The following SLC2A13 variants were observed in gnomAD, a reference collection of about 807,000 sequenced individuals.
The protein encoded by SLC2A13 is proton myo-inositol cotransporter.
A neutral mutation model predicts 64.4 loss-of-function variants in SLC2A13; 32 were observed. That is an observed-to-expected ratio of 0.50 (90% CI 0.37 to 0.67). The LOEUF (loss-of-function observed/expected upper bound fraction) is 0.67, where lower values mean the gene tolerates loss of function less well. Ranked by LOEUF, SLC2A13 falls within the 30% of genes least tolerant of loss-of-function variation. The probability of loss-of-function intolerance (pLI) is 0.00; values close to 1 mark genes in which losing one functional copy is unlikely to be tolerated. For synonymous variants in SLC2A13, 338 were observed against 327.1 expected (o/e 1.03, Z -0.36); for missense variants, 743 against 829.2 (o/e 0.90, Z 1.28).
chr12:39,942,084 C>G (rs1424312774), intron 4 of SLC2A13, among the ~76,000 whole-genome samples: 6 of 152,174 alleles, frequency 3.9e-5, no homozygotes, highest in Non-Finnish European at 5.9e-5. Context: ...ATTTTTATAC[C>G]AGTACCATGC....
intron 2 of SLC2A13, among the ~76,000 whole-genome samples, chr12:40,029,592 G>A (rs1947874327): frequency 6.6e-6 from 1 of 152,106 alleles, no homozygotes; most frequent in South Asian, 2.1e-4. Flanking sequence ...AGGCTCCAGA[G>A]ATAAATCTCA....
At chr12:40,084,729 C>T (rs969434738) in intron 1 of SLC2A13, among the ~76,000 whole-genome samples, 2 of 151,968 alleles carry the variant, frequency 1.3e-5, no homozygotes, top group East Asian at 3.9e-4. Context: ...CTCTTAAGGC[C>T]TGATGCTCCA....
At chr12:40,033,877 T>C (rs1459459106) in intron 2 of SLC2A13, among the ~76,000 whole-genome samples, 1 of 152,216 alleles carries the variant, frequency 6.6e-6, no homozygotes, top group African/African-American at 2.4e-5. Context: ...GCTTTCTCTT[T>C]ATTTTTCAAT....
intron 2 of SLC2A13, among the ~76,000 whole-genome samples, chr12:40,029,332 G>C (rs1160753763): frequency 6.6e-6 from 1 of 152,118 alleles, no homozygotes; most frequent in African/African-American, 2.4e-5. Context: ...CAAAGGGGCT[G>C]AATTAGATAA....
intron 4 of SLC2A13, among the ~76,000 whole-genome samples, chr12:39,876,881 C>T (rs763999602): frequency 2.4e-4 from 37 of 152,116 alleles, no homozygotes; most frequent in Non-Finnish European, 4.6e-4. Flanking sequence ...AGGCCATATT[C>T]ATATTGTGAT....
chr12:39,996,460 A>G (rs1038872550), intron 3 of SLC2A13, among the ~76,000 whole-genome samples: 2 of 152,242 alleles, frequency 1.3e-5, no homozygotes, highest in Non-Finnish European at 2.9e-5. Flanking sequence ...TGCATAAGTA[A>G]CGAGAAGCCA....
At chr12:39,911,562 AG>A (rs1945431732) in intron 4 of SLC2A13, among the ~76,000 whole-genome samples, 1 of 150,914 alleles carries the variant, frequency 6.6e-6, no homozygotes, top group East Asian at 1.9e-4. Flanking sequence ...CTTTTGTTTC[AG>A]CCTGCAACTG....
intron 2 of SLC2A13, among the ~76,000 whole-genome samples, chr12:40,043,673 T>A (rs993251204): frequency 1.3e-5 from 2 of 152,134 alleles, no homozygotes; most frequent in Non-Finnish European, 2.9e-5. Flanking sequence ...GATAGAACTT[T>A]ATCATTAATA....
At chr12:39,896,396 A>G (rs909020546) in intron 4 of SLC2A13, among the ~76,000 whole-genome samples, 3 of 135,660 alleles carry the variant, frequency 2.2e-5, no homozygotes, top group South Asian at 4.4e-4. Flanking sequence ...ATATGTGTAT[A>G]TATGTATACA....
chr12:40,064,016 G>A (rs967945966), intron 1 of SLC2A13, among the ~76,000 whole-genome samples: 1 of 152,080 alleles, frequency 6.6e-6, no homozygotes, highest in African/African-American at 2.4e-5. Context: ...GCCAAGATGA[G>A]AGGATCGCTT....
At chr12:40,103,079 T>C (rs1179343030) in intron 1 of SLC2A13, among the ~76,000 whole-genome samples, 1 of 152,092 alleles carries the variant, frequency 6.6e-6, no homozygotes, top group South Asian at 2.1e-4. Context: ...GGAGAACATA[T>C]CTAAACTGGG....
chr12:39,857,547 T>C (rs563768240), intron 6 of SLC2A13, among the ~76,000 whole-genome samples: 2 of 152,334 alleles, frequency 1.3e-5, no homozygotes, highest in East Asian at 3.9e-4. Flanking sequence ...CTAAGTTCTT[T>C]TAACCTTTCT....
intron 1 of SLC2A13, among the ~76,000 whole-genome samples, chr12:40,085,546 C>T (rs750791066): frequency 6.6e-6 from 1 of 152,182 alleles, no homozygotes; most frequent in Non-Finnish European, 1.5e-5. Context: ...AAATCCCCCA[C>T]ATTTGGTCAC....
intron 6 of SLC2A13, among the ~76,000 whole-genome samples, chr12:39,859,611 C>G (rs897507008): frequency 2.0e-5 from 3 of 152,130 alleles, no homozygotes; most frequent in Non-Finnish European, 4.4e-5. Context: ...CAACCTCTAC[C>G]TCCTGGGTTC....
chr12:40,015,827 G>C (rs1359353105), intron 3 of SLC2A13, among the ~76,000 whole-genome samples: 1 of 152,124 alleles, frequency 6.6e-6, no homozygotes, highest in Non-Finnish European at 1.5e-5. Flanking sequence ...CAGTTTACTT[G>C]AGGTTTTTCT....
intron 1 of SLC2A13, among the ~76,000 whole-genome samples, chr12:40,061,600 G>A (rs569196397): frequency 6.6e-6 from 1 of 152,222 alleles, no homozygotes; most frequent in South Asian, 2.1e-4. Context: ...GTACACTGAA[G>A]CATAGGTGTT....
chr12:40,066,183 A>G (rs190169216), intron 1 of SLC2A13, among the ~76,000 whole-genome samples: 1 of 152,290 alleles, frequency 6.6e-6, no homozygotes, highest in Non-Finnish European at 1.5e-5. Context: ...CTCCAGGCAA[A>G]GAGGTCAACC....
intron 6 of SLC2A13, among the ~76,000 whole-genome samples, chr12:39,835,523 T>TA (rs1942981922): frequency 1.3e-5 from 2 of 152,222 alleles, no homozygotes; most frequent in Admixed American, 1.3e-4. Context: ...ATGAATTAAA[T>TA]AAAATGGAGT....
At chr12:39,898,181 A>G (rs1188002611) in intron 4 of SLC2A13, among the ~76,000 whole-genome samples, 2 of 152,176 alleles carry the variant, frequency 1.3e-5, no homozygotes, top group Admixed American at 6.6e-5. Context: ...ATAAATTTCT[A>G]GAAGTAAATA....
Sources: gnomAD v4.1 joint callset for allele counts (sites outside exome capture counted in the v4.1 genomes callset) on GRCh38, gnomAD v4.1.1 for gene constraint, MANE v1.5 for transcripts, NCBI Gene and HGNC (gene_info 2026-07-23, HGNC 2026-07-21) for gene names.